The following TSNAXIP1 variants were observed in gnomAD, a reference collection of about 807,000 sequenced individuals.
The protein encoded by TSNAXIP1 is translin associated factor X interacting protein 1.
In TSNAXIP1, 89 loss-of-function variants were observed where a neutral mutation model predicts 84.8. The ratio of observed to expected loss-of-function variants is 1.05; its 90% CI spans 0.88 to 1.25. The LOEUF (loss-of-function observed/expected upper bound fraction) is 1.25, where lower values mean the gene tolerates loss of function less well. Ranked by LOEUF, TSNAXIP1 falls within the 50% of genes most tolerant of loss-of-function variation. The pLI is 0.00. For synonymous variants in TSNAXIP1, 347 were observed against 335.2 expected (o/e 1.04, Z -0.39); for missense variants, 874 against 887.6 (o/e 0.98, Z 0.20).
At position 67,810,079 on chromosome 16, in the gene TSNAXIP1, A is replaced by C. The variant is rs978122971; in HGVS notation, c.47+2883A>C. The stretch of plus-strand genomic sequence containing the variant: ...TCTTAGAGACACTGTGGATGTCCTC[A>C]TCCTTTCCCTTTAAAAAGGGGCAGC... On this transcript the variant is annotated intron_variant, in intron 1 of 15. Transcript: ENST00000561639. Among the ~76,000 whole-genome samples, 6 of 152,204 alleles carry C rather than the reference A, an allele frequency of 3.9e-5. 1 individual carries two copies. The highest frequency in any genetic ancestry group is 1.3e-4 in the Admixed American group (2 of 15,270).
chr16:67,823,580 T>C (rs760725870), intron 4 of TSNAXIP1, 46 bp from the exon 5 acceptor site: 17 of 1,492,978 alleles, frequency 1.1e-5, no homozygotes, highest in Non-Finnish European at 1.4e-5. Context: ...CCCACTAAGG[T>C]TGGCAGCTGT....
At chr16:67,810,254 G>A (rs1034004886) in intron 1 of TSNAXIP1, among the ~76,000 whole-genome samples, 4 of 152,246 alleles carry the variant, frequency 2.6e-5, no homozygotes, top group African/African-American at 9.6e-5. Context: ...TTGGTGGATG[G>A]AACTCAGCAG....
chr16:67,827,032 GAC>G lies in TSNAXIP1; in HGVS notation c.1626_1627del (p.Asp542GlufsTer57). ...GCTGCTGAAGGAGATGACAAATGCT[GAC>G]AGTCAGAACGAGGGGCTACTAACCA... ...AQLLKEMTNA[D>X]SQNEGLLTME... On this transcript the variant is annotated frameshift_variant, in exon 13 of 16. Coordinates refer to ENST00000561639, the MANE Select transcript of TSNAXIP1 (RefSeq NM_001288990.3). LOFTEE classifies it high-confidence loss of function. The G allele has an allele frequency of 6.2e-7, 1 of 1,614,162 alleles. No homozygotes were observed. The highest frequency in any genetic ancestry group is 8.5e-7 in the Non-Finnish European group (1 of 1,180,040).
chr16:67,822,278 C>CAAAAAA (rs931299742), intron 4 of TSNAXIP1, among the ~76,000 whole-genome samples: 1 of 51,914 alleles, frequency 1.9e-5, no homozygotes, highest in Non-Finnish European at 4.1e-5. Context: ...GACTCCATCT[C>CAAAAAA]AAAAAAAAAA....
chr16:67,825,769 T>C lies in TSNAXIP1; in HGVS notation c.917T>C (p.Phe306Ser), dbSNP rs770985287. Residue 306 changes from phenylalanine to serine, a missense_variant, in exon 8 of 16, where the codon TTT becomes TCT. Phe to Ser is a radical substitution (Grantham distance 155). Coordinates refer to ENST00000561639, the MANE Select transcript of TSNAXIP1 (RefSeq NM_001288990.3). ...QMELNNMKAN[F>S]GDVVPRRDFE... is the part of the protein sequence containing the mutation. ...GAACTCAACAACATGAAGGCCAACT[T>C]TGGAGATGTGGTCCCCAGGAGGGAC... is the stretch of plus-strand genomic sequence containing the variant. 1.9e-6 allele frequency: 3 copies of C among 1,613,776 alleles called. No homozygotes were observed. The highest frequency in any genetic ancestry group is 2.7e-5 in the African/African-American group (2 of 74,830).
intron 2 of TSNAXIP1, 82 bp downstream of exon 2, chr16:67,814,483 A>ACCCACCTGAAACATG (rs370715618): frequency 4.3e-6 from 5 of 1,149,852 alleles, no homozygotes; most frequent in Admixed American, 2.0e-5. Flanking sequence ...CAAGAGTACC[A>ACCCACCTGAAACATG]CCCACCTGAA....
Position 67,825,837 on chromosome 16 carries a change from G to A in TSNAXIP1, c.984+1G>A, listed in dbSNP as rs371833275. On this transcript the variant is annotated splice_donor_variant, in intron 8 of 15. Coordinates refer to ENST00000561639, the MANE Select transcript of TSNAXIP1 (RefSeq NM_001288990.3). LOFTEE classifies it high-confidence loss of function. ...GACCAACAAGGATCTTCAGGAGCAGGTGCTGGCAGGCAGGCAGGGCCAGGA... is the reference window on the plus strand; with the variant it reads ...GACCAACAAGGATCTTCAGGAGCAGATGCTGGCAGGCAGGCAGGGCCAGGA... The A allele has an allele frequency of 6.2e-7, 1 of 1,614,068 alleles. No homozygotes were observed. Among genetic ancestry groups the A allele is most frequent in the African/African-American group, 1.3e-5 (1 of 74,938 alleles).
In TSNAXIP1 at chr16:67,822,294, A is replaced by AG. The variant is rs568578250; in HGVS notation, c.387+1069_387+1070insG. Reference sequence around the variant, plus strand: ...ACTCCATCTCAAAAAAAAAAAAAAAAAAAGAAAACGCCAGTGAGCAGGCAA... The same window carrying AG: ...ACTCCATCTCAAAAAAAAAAAAAAAAGAAAGAAAACGCCAGTGAGCAGGCAA... On this transcript the variant is annotated intron_variant, in intron 4 of 15. Coordinates refer to ENST00000561639, the MANE Select transcript of TSNAXIP1 (RefSeq NM_001288990.3). Among the ~76,000 whole-genome samples, 575 of 151,728 alleles carry AG rather than the reference A, an allele frequency of 3.8e-3. 4 individuals carry two copies. The highest frequency in any genetic ancestry group is 0.012 in the African/African-American group (514 of 41,374).
At position 67,825,988 on chromosome 16, in the gene TSNAXIP1, C is replaced by T. The variant is rs776888120; in HGVS notation, c.1056C>T (p.Ser352=). 4.3e-6 allele frequency: 7 copies of T among 1,614,088 alleles called. No homozygotes were observed. Among genetic ancestry groups the T allele is most frequent in the Non-Finnish European group, 5.9e-6 (7 of 1,180,036 alleles). Residue 352 remains serine, a synonymous_variant, in exon 9 of 16, where the codon AGC becomes AGT. Transcript: ENST00000561639. ...EHEILMQLHM[S]TLKERDQFFS... ...AGATCCTCATGCAGCTGCACATGAG[C>T]ACGCTGAAGGAACGGGACCAATTCT...
chr16:67,819,896 G>A (rs2151233144), intron 2 of TSNAXIP1, among the ~76,000 whole-genome samples: 1 of 146,902 alleles, frequency 6.8e-6, no homozygotes, highest in East Asian at 2.0e-4. Context: ...TTGGCTCACT[G>A]CAAACTCCGC....
chr16:67,823,533 A>G (rs11865098), intron 4 of TSNAXIP1, 93 bp from the exon 5 acceptor site: 48,419 of 991,192 alleles, frequency 0.049, 1,644 homozygotes, highest in African/African-American at 0.14. Context: ...ATGGAGCGAC[A>G]CTCCGTCTCA....
chr16:67,816,178 A>G (rs1434880559), intron 2 of TSNAXIP1, among the ~76,000 whole-genome samples: 1 of 151,688 alleles, frequency 6.6e-6, no homozygotes, highest in Non-Finnish European at 1.5e-5. Context: ...CGTGTTGGCC[A>G]GGATGGTCTC....
chr16:67,807,047 C>A lies in TSNAXIP1; in HGVS notation c.-103C>A. On this transcript the variant is annotated 5_prime_UTR_variant, in exon 1 of 16. Transcript: ENST00000561639. ...GCGTGGCGCATCCCTGACTCCGCCC[C>A]CGCCGCGGGGGGGCCTCTGGGGCCT... The A allele has an allele frequency of 6.7e-7, 1 of 1,483,676 alleles. No individual in the cohort carries two copies. The highest frequency in any genetic ancestry group is 1.3e-5 in the South Asian group (1 of 79,342). The allele number at this position is 1,483,676 out of a possible 1,614,324, so 91.9% of individuals were successfully genotyped here. A position where few individuals can be genotyped will look rare whatever the true frequency, so the allele number is the denominator to read the frequency against.
chr16:67,812,910 T>G (rs1470535741), intron 1 of TSNAXIP1, among the ~76,000 whole-genome samples: 1 of 152,096 alleles, frequency 6.6e-6, no homozygotes, highest in East Asian at 1.9e-4. Flanking sequence ...CACGCCCAGA[T>G]GCACATCTAA....
In TSNAXIP1 at chr16:67,825,095, G is replaced by T. The variant is rs368405321; in HGVS notation, c.679-42G>T. On this transcript the variant is annotated intron_variant, in intron 6 of 15. Coordinates refer to ENST00000561639, the MANE Select transcript of TSNAXIP1 (RefSeq NM_001288990.3). Reference sequence around the variant, plus strand: ...CTGGGGTGACCAGCTGCATACAGGGGTCCAGGGGCAGCCCCTGACCACACA... The same window carrying T: ...CTGGGGTGACCAGCTGCATACAGGGTTCCAGGGGCAGCCCCTGACCACACA... 7.1e-5 allele frequency: 114 copies of T among 1,604,842 alleles called. No individual in the cohort carries two copies. The African/African-American group carries it at 1.2e-3, about 17-fold the overall frequency.
rs547443138 is a variant in TSNAXIP1, at chr16:67,806,892, C to A, written c.-258C>A. ...TCCCTCCCCATGGCCTCTGTTCATC[C>A]CCCTGCCTCAGTTCTGGTACCTGGG... On this transcript the variant is annotated 5_prime_UTR_variant, in exon 1 of 16. Transcript: ENST00000561639. 3 of 608,374 alleles carry A rather than the reference C, an allele frequency of 4.9e-6. No homozygotes were observed. In the Admixed American group the frequency reaches 9.0e-5, roughly 18 times the overall value. The allele number at this position is 608,374 out of a possible 1,614,324, so 37.7% of individuals were successfully genotyped here.
rs899496696 is a variant in TSNAXIP1, at chr16:67,812,528, C to T, written c.48-1774C>T. ...TAAAAATACAAAAATTAGCCAGGCA[C>T]GGTAGCGTGCACCTGTAGTCCCAGC... On this transcript the variant is annotated intron_variant, in intron 1 of 15. Coordinates refer to ENST00000561639, the MANE Select transcript of TSNAXIP1 (RefSeq NM_001288990.3). Among the ~76,000 whole-genome samples, 10 of 151,148 alleles carry T rather than the reference C, an allele frequency of 6.6e-5. No homozygotes were observed. The South Asian group carries it at 1.9e-3, about 28-fold the overall frequency.
At position 67,825,914 on chromosome 16, in the gene TSNAXIP1, C is replaced by T; in HGVS notation, c.985-3C>T. 1 of 1,614,082 alleles carries T rather than the reference C, an allele frequency of 6.2e-7. No homozygotes were observed. Among genetic ancestry groups the T allele is most frequent in the Non-Finnish European group, 8.5e-7 (1 of 1,180,018 alleles). Reference sequence around the variant, plus strand: ...GGGCCAGGGCCAATGTCCTTGCCCACAGCTGGACACCCTGAGAGCCAGCTA... The same window carrying T: ...GGGCCAGGGCCAATGTCCTTGCCCATAGCTGGACACCCTGAGAGCCAGCTA... On this transcript the variant is annotated splice_polypyrimidine_tract_variant and splice_region_variant and intron_variant, in intron 8 of 15. Coordinates refer to ENST00000561639, the MANE Select transcript of TSNAXIP1 (RefSeq NM_001288990.3).
chr16:67,826,925 C>T (rs900808158), intron 12 of TSNAXIP1, 38 bp from the exon 13 acceptor site: 2 of 1,613,138 alleles, frequency 1.2e-6, no homozygotes, highest in Middle Eastern at 1.6e-4. Flanking sequence ...CCCACCACTC[C>T]CAGGAACAGC....
Sources: allele counts gnomAD v4.1 joint callset (sites outside exome capture counted in the v4.1 genomes callset), GRCh38; gene constraint gnomAD v4.1.1; transcripts MANE v1.5; gene names NCBI Gene and HGNC (gene_info 2026-07-23, HGNC 2026-07-21).